The following PAX2 variants were observed in gnomAD, a reference collection of about 807,000 sequenced individuals.
PAX2 encodes paired box 2.
In PAX2, 9 loss-of-function variants were observed where a neutral mutation model predicts 41.7. The observed-to-expected ratio is 0.22, with a 90% CI of 0.13 to 0.38. The LOEUF (loss-of-function observed/expected upper bound fraction) is 0.38, where lower values mean the gene tolerates loss of function less well. Ranked by LOEUF, PAX2 falls within the 10% of genes least tolerant of loss-of-function variation. PAX2 has a pLI of 1.00. For missense variants in PAX2, 418 were observed against 531.6 expected, an observed-to-expected ratio of 0.79 and a Z score of 2.10; for synonymous variants, 221 against 212.7, an observed-to-expected ratio of 1.04 and a Z score of -0.34.
chr10:100,793,149 C>G (rs1328923020), intron 5 of PAX2, among the ~76,000 whole-genome samples: 1 of 152,206 alleles, frequency 6.6e-6, no homozygotes, highest in Non-Finnish European at 1.5e-5. Context: ...GGGGACAGCA[C>G]CAGGCAGAGG....
Position 100,750,543 on chromosome 10 carries a change from C to G in PAX2, c.213-151C>G. The stretch of plus-strand genomic sequence containing the variant: ...GCGGCGCTCCTCCTAGCCAGGCACC[C>G]TCAGGAAGTCAGCTCAGCCACACTG... On this transcript the variant is annotated intron_variant, in intron 2 of 9. Coordinates refer to ENST00000355243, the MANE Select transcript of PAX2 (RefSeq NM_000278.5). This position sits in a 1 kb window ranked among gnomAD's most constrained non-coding sequence, Gnocchi z 4.1. 1 of 685,424 alleles carries G rather than the reference C, an allele frequency of 1.5e-6. No homozygotes were observed. The highest frequency in any genetic ancestry group is 2.5e-6 in the Non-Finnish European group (1 of 398,526). 42.5% of individuals were successfully genotyped at this position (685,424 alleles called of 1,614,324 possible). A position where few individuals can be genotyped will look rare whatever the true frequency, so the allele number is the denominator to read the frequency against.
chr10:100,745,475 A>G (rs867287625), upstream of PAX2, among the ~76,000 whole-genome samples: 5 of 151,780 alleles, frequency 3.3e-5, no homozygotes, highest in East Asian at 9.8e-4. Context: ...GGTGGAATCT[A>G]TTGCCTTTGT....
intron 5 of PAX2, 88 bp downstream of exon 5, chr10:100,781,453 C>T: frequency 7.2e-7 from 1 of 1,381,622 alleles, no homozygotes; most frequent in Admixed American, 1.7e-5. Flanking sequence ...CTCGCAGCTG[C>T]TCTGCTGTGA....
In PAX2 at chr10:100,824,885, T is replaced by TC. The variant is rs1309338999; in HGVS notation, c.1021+139dup. 1 of 1,608,680 alleles carries TC rather than the reference T, an allele frequency of 6.2e-7. No homozygotes were observed. The highest frequency in any genetic ancestry group is 1.3e-5 in the African/African-American group (1 of 74,766). ...CTCCCTGCAAACCACTGCTATTCTG[T>TC]CCCTCTCTCTCCTTAGAGGCTGCAG... On this transcript the variant is annotated intron_variant, in intron 8 of 9. Coordinates refer to ENST00000355243, the MANE Select transcript of PAX2 (RefSeq NM_000278.5). The surrounding 1 kb of genome is among the most constrained non-coding windows in gnomAD (Gnocchi z 6.6).
chr10:100,788,106 A>G (rs11814623), intron 5 of PAX2, among the ~76,000 whole-genome samples: 3,753 of 151,816 alleles, frequency 0.025, 161 homozygotes, highest in African/African-American at 0.082. Flanking sequence ...TCTCTTTAAC[A>G]CTCTCTCCCT....
rs143050624 is a variant in PAX2 at position 100,778,410 on chromosome 10, C to T, written c.411-1088C>T. Among the ~76,000 whole-genome samples the T allele has an allele frequency of 3.2e-4, 48 of 152,334 alleles. 1 individual carries two copies. The highest frequency in any genetic ancestry group is 8.5e-4 in the Admixed American group (13 of 15,306). Reference sequence around the variant, plus strand: ...CTGAGCTTTTTTGGGGATTAAGTCTCCCCTCCCCACCTTCATATCCAGCAC... The same window carrying T: ...CTGAGCTTTTTTGGGGATTAAGTCTTCCCTCCCCACCTTCATATCCAGCAC... On this transcript the variant is annotated intron_variant, in intron 3 of 9. Transcript: ENST00000355243.
chr10:100,807,166 A>T (rs2133951681), intron 6 of PAX2, among the ~76,000 whole-genome samples: 1 of 152,260 alleles, frequency 6.6e-6, no homozygotes, highest in South Asian at 2.1e-4. Context: ...GACACTGAGC[A>T]GCCCAGGACA....
chr10:100,772,571 T>G (rs1247062349), intron 3 of PAX2, among the ~76,000 whole-genome samples: 1 of 152,238 alleles, frequency 6.6e-6, no homozygotes, highest in Non-Finnish European at 1.5e-5. Context: ...GGCCAGCTAG[T>G]CTGGCACATT....
At chr10:100,822,995 G>C (rs1848420964) in intron 7 of PAX2, among the ~76,000 whole-genome samples, 1 of 152,320 alleles carries the variant, frequency 6.6e-6, no homozygotes, top group East Asian at 1.9e-4. Flanking sequence ...AGGAGGGGAA[G>C]AATGTGGAGT....
At chr10:100,740,024 C>T (rs540363036) in intron 1 of PAX2, among the ~76,000 whole-genome samples, 1 of 152,228 alleles carries the variant, frequency 6.6e-6, no homozygotes, top group East Asian at 1.9e-4. Flanking sequence ...CTTTCTTCCC[C>T]TCCTGTCTCT....
chr10:100,806,357 C>A, intron 5 of PAX2, 73 bp from the exon 6 acceptor site: 5 of 1,512,898 alleles, frequency 3.3e-6, no homozygotes, highest in Non-Finnish European at 4.6e-6. Context: ...AGATGCCCAC[C>A]TCTTTGCCCT....
chr10:100,804,080 C>T (rs762680855), intron 5 of PAX2, among the ~76,000 whole-genome samples: 5 of 152,114 alleles, frequency 3.3e-5, no homozygotes, highest in Admixed American at 6.5e-5. Flanking sequence ...CCGGCCTCTG[C>T]CACCAGATCA....
At position 100,748,028 on chromosome 10, in the gene PAX2, G is replaced by C. The variant is rs1845267319; in HGVS notation, c.44-1718G>C. 1 of 984,928 alleles carries C rather than the reference G, an allele frequency of 1.0e-6. No individual in the cohort carries two copies. Among genetic ancestry groups the C allele is most frequent in the Non-Finnish European group, 1.2e-6 (1 of 829,902 alleles). 61.0% of individuals were successfully genotyped at this position (984,928 alleles called of 1,614,324 possible). On this transcript the variant is annotated intron_variant, in intron 1 of 9. Transcript: ENST00000355243. The surrounding 1 kb of genome is among the most constrained non-coding windows in gnomAD (Gnocchi z 5.0). ...CGCGGGCCGGTGGACTGGTGGGTGAGACACCGCAGCCCGAGTCGGTGCTGG... is the reference window on the plus strand; with the variant it reads ...CGCGGGCCGGTGGACTGGTGGGTGACACACCGCAGCCCGAGTCGGTGCTGG...
intron 5 of PAX2, among the ~76,000 whole-genome samples, chr10:100,806,057 C>T (rs1847769674): frequency 6.6e-6 from 1 of 152,162 alleles, no homozygotes; most frequent in African/African-American, 2.4e-5. Flanking sequence ...TCTGAGACAC[C>T]CAGCTTCTTT....
chr10:100,741,229 G>C (rs369408388), upstream of PAX2, among the ~76,000 whole-genome samples: 21 of 152,208 alleles, frequency 1.4e-4, no homozygotes, highest in East Asian at 9.7e-4. Flanking sequence ...CACGCAGGGA[G>C]CCCAAATATT....
In PAX2 at chr10:100,745,787, T is replaced by C; in HGVS notation, c.-474T>C. On this transcript the variant is annotated 5_prime_UTR_variant, in exon 1 of 10. Transcript: ENST00000355243. ...CCGGGATTGCTACTTCTCTGCCAAC[T>C]TCGCCAACTCGCCAGCACTTGGAGA... 1 of 1,050,646 alleles carries C rather than the reference T, an allele frequency of 9.5e-7. No homozygotes were observed. The highest frequency in any genetic ancestry group is 1.1e-6 in the Non-Finnish European group (1 of 870,812). The allele number at this position is 1,050,646 out of a possible 1,614,324, so 65.1% of individuals were successfully genotyped here. A position where few individuals can be genotyped will look rare whatever the true frequency, so the allele number is the denominator to read the frequency against.
At chr10:100,741,230 C>A (rs180894449), upstream of PAX2, among the ~76,000 whole-genome samples, 831 of 151,626 alleles carry the variant, frequency 5.5e-3, 4 homozygotes, top group Non-Finnish European at 8.3e-3. Flanking sequence ...ACGCAGGGAG[C>A]CCAAATATTG....
chr10:100,739,912 G>C (rs1472295975), intron 1 of PAX2, among the ~76,000 whole-genome samples: 1 of 152,236 alleles, frequency 6.6e-6, no homozygotes, highest in Non-Finnish European at 1.5e-5. Context: ...GGAGGGGACA[G>C]CTGGCCAGGT....
At chr10:100,745,292 C>T (rs1036738121), upstream of PAX2, among the ~76,000 whole-genome samples, 3 of 152,186 alleles carry the variant, frequency 2.0e-5, no homozygotes, top group African/African-American at 7.2e-5. Context: ...CCCGGGCTCC[C>T]ATTCCCCCTC....
Sources: gnomAD v4.1 joint callset for allele counts (sites outside exome capture counted in the v4.1 genomes callset) on GRCh38, gnomAD v4.1.1 for gene constraint, Gnocchi (gnomAD v3.1) non-coding constraint, MANE v1.5 for transcripts, NCBI Gene and HGNC (gene_info 2026-07-23, HGNC 2026-07-21) for gene names.